UNC5D: variants seen among roughly 807,000 people sequenced by gnomAD.
The protein encoded by UNC5D is netrin receptor UNC5D.
In UNC5D, 39 loss-of-function variants were observed where a neutral mutation model predicts 105.4. The ratio of observed to expected loss-of-function variants is 0.37; its 90% CI spans 0.29 to 0.48. UNC5D has a LOEUF of 0.48. Among genes scored for constraint, UNC5D ranks in the 20% least tolerant of loss-of-function variants. The probability of loss-of-function intolerance (pLI) is 0.98; values close to 1 mark genes in which losing one functional copy is unlikely to be tolerated. For missense variants in UNC5D, 991 were observed against 1,202.4 expected (o/e 0.82, Z 2.60); for synonymous variants, 452 against 450.4 (o/e 1.00, Z -0.04).
At chr8:35,497,032 C>A (rs557797257) in intron 1 of UNC5D, among the ~76,000 whole-genome samples, 1 of 152,222 alleles carries the variant, frequency 6.6e-6, no homozygotes, top group African/African-American at 2.4e-5. Flanking sequence ...ATTTAATATA[C>A]CTTTTATATG....
intron 16 of UNC5D, among the ~76,000 whole-genome samples, chr8:35,788,981 T>C (rs1561159): frequency 1 from 150,330 of 150,342 alleles, 75,159 homozygotes; most frequent in Middle Eastern, 1. Context: ...TAAACTTGTC[T>C]ATTTGTGGGT....
At chr8:35,469,217 C>T (rs1809535260) in intron 1 of UNC5D, among the ~76,000 whole-genome samples, 1 of 152,268 alleles carries the variant, frequency 6.6e-6, no homozygotes, top group East Asian at 1.9e-4. Flanking sequence ...TTAGTTAATA[C>T]TCGAAGTCAA....
At chr8:35,509,498 T>TCCC (rs148397178) in intron 1 of UNC5D, among the ~76,000 whole-genome samples, 2 of 6,692 alleles carry the variant, frequency 3.0e-4, no homozygotes, top group Admixed American at 2.0e-3. Context: ...AAGAATCTCC[T>TCCC]CTCCTCTCTT....
intron 9 of UNC5D, among the ~76,000 whole-genome samples, chr8:35,725,083 C>T (rs892758104): frequency 6.6e-6 from 1 of 152,144 alleles, no homozygotes; most frequent in African/African-American, 2.4e-5. Context: ...TTCCTACTGG[C>T]GTTGCTGCAA....
intron 1 of UNC5D, among the ~76,000 whole-genome samples, chr8:35,360,853 T>G (rs1322008512): frequency 6.6e-6 from 1 of 152,130 alleles, no homozygotes; most frequent in African/African-American, 2.4e-5. Flanking sequence ...ATGTGTAGTT[T>G]AAAACTCCTA....
intron 1 of UNC5D, among the ~76,000 whole-genome samples, chr8:35,539,247 T>C (rs1393183053): frequency 6.6e-6 from 1 of 152,146 alleles, no homozygotes; most frequent in Non-Finnish European, 1.5e-5. Flanking sequence ...GGGAATTTGG[T>C]GACAATGGGT....
At chr8:35,533,260 C>G (rs1190509104) in intron 1 of UNC5D, among the ~76,000 whole-genome samples, 2 of 152,194 alleles carry the variant, frequency 1.3e-5, no homozygotes, top group Non-Finnish European at 2.9e-5. Context: ...AGTTTTCCTT[C>G]TAACAGACAG....
At chr8:35,651,747 A>G (rs544451208) in intron 4 of UNC5D, among the ~76,000 whole-genome samples, 3 of 152,114 alleles carry the variant, frequency 2.0e-5, no homozygotes, top group Non-Finnish European at 2.9e-5. Context: ...TGAATTTTGT[A>G]TAGGTGAAAC....
intron 1 of UNC5D, among the ~76,000 whole-genome samples, chr8:35,493,248 A>G (rs1407458463): frequency 6.7e-6 from 1 of 149,434 alleles, no homozygotes; most frequent in African/African-American, 2.5e-5. Flanking sequence ...AATTTCACTA[A>G]CAATTAAGAG....
intron 16 of UNC5D, among the ~76,000 whole-genome samples, chr8:35,774,726 G>GT (rs1802163852): frequency 6.6e-6 from 1 of 152,106 alleles, no homozygotes; most frequent in Admixed American, 6.5e-5. Flanking sequence ...GAGCCTAGAA[G>GT]TTTGAGACCA....
intron 4 of UNC5D, among the ~76,000 whole-genome samples, chr8:35,659,716 C>T (rs983613752): frequency 3.3e-5 from 5 of 152,218 alleles, no homozygotes; most frequent in Non-Finnish European, 5.9e-5. Context: ...ACAGCAAGTG[C>T]GTGTTCCATG....
chr8:35,345,456 G>C (rs1429390335), intron 1 of UNC5D, among the ~76,000 whole-genome samples: 1 of 151,886 alleles, frequency 6.6e-6, no homozygotes, highest in Non-Finnish European at 1.5e-5. Flanking sequence ...TAAAAATCCT[G>C]CTATACTCTG....
intron 1 of UNC5D, among the ~76,000 whole-genome samples, chr8:35,265,473 A>G (rs911563433): frequency 5.9e-5 from 9 of 152,178 alleles, no homozygotes; most frequent in African/African-American, 2.2e-4. Flanking sequence ...CTAGGTTCCA[A>G]TAAAACTTTA....
In UNC5D at chr8:35,665,972, G is replaced by A. The variant is rs546074763; in HGVS notation, c.571-17575G>A. ...ACTTGGTTATACTTTTTTTTTTTTT[G>A]ACAATTTTGATCATGGTTTTCCTTC... On this transcript the variant is annotated intron_variant, in intron 4 of 16. Coordinates refer to ENST00000404895, the MANE Select transcript of UNC5D (RefSeq NM_080872.4). Among the ~76,000 whole-genome samples the A allele has an allele frequency of 3.3e-5, 4 of 122,318 alleles. No individual in the cohort carries two copies. The East Asian group carries it at 9.3e-4, about 28-fold the overall frequency. The allele number at this position is 122,318 out of a possible 152,430, so 80.2% of individuals were successfully genotyped here.
chr8:35,260,049 C>A (rs1021836068), intron 1 of UNC5D, among the ~76,000 whole-genome samples: 1 of 152,132 alleles, frequency 6.6e-6, no homozygotes, highest in Non-Finnish European at 1.5e-5. Flanking sequence ...CCTTCTTTGG[C>A]AATGATTTGC....
intron 3 of UNC5D, among the ~76,000 whole-genome samples, chr8:35,576,375 A>G (rs973278461): frequency 1.3e-5 from 2 of 152,188 alleles, no homozygotes; most frequent in African/African-American, 4.8e-5. Context: ...GGACAGGATT[A>G]TTCTGTTTTG....
chr8:35,655,628 A>G lies in UNC5D; in HGVS notation c.571-27919A>G, dbSNP rs149615158. 7.2e-3 allele frequency among the ~76,000 whole-genome samples: 1,101 copies of G among 152,354 alleles called. 22 individuals carry two copies. The highest frequency in any genetic ancestry group is 0.024 in the African/African-American group (1,013 of 41,586). ...CAATTTAATTCAGGAGACAGGACTT[A>G]TGAAAAAGTAGTTCATAATATAAGA... On this transcript the variant is annotated intron_variant, in intron 4 of 16. Transcript: ENST00000404895.
intron 1 of UNC5D, among the ~76,000 whole-genome samples, chr8:35,269,999 G>C (rs990741728): frequency 6.6e-6 from 1 of 152,160 alleles, no homozygotes. Flanking sequence ...TTTACTGTTT[G>C]GAGTAGGATG....
intron 1 of UNC5D, among the ~76,000 whole-genome samples, chr8:35,481,246 G>C (rs889308253): frequency 8.5e-5 from 13 of 152,136 alleles, no homozygotes; most frequent in Non-Finnish European, 1.8e-4. Flanking sequence ...AGAATTTAGA[G>C]AGCAGAAGGC....
Sources: gnomAD v4.1 joint callset for allele counts (sites outside exome capture counted in the v4.1 genomes callset) on GRCh38, gnomAD v4.1.1 for gene constraint, MANE v1.5 for transcripts, NCBI Gene and HGNC (gene_info 2026-07-23, HGNC 2026-07-21) for gene names.